The following HSD17B7 variants were observed in gnomAD, a reference collection of about 807,000 sequenced individuals.
HSD17B7 encodes 3-keto-steroid reductase/17-beta-hydroxysteroid dehydrogenase 7.
Under a neutral mutation model 34.1 loss-of-function variants are expected in HSD17B7, and 17 were observed. That is an observed-to-expected ratio of 0.50 (90% confidence interval 0.34 to 0.75). The LOEUF (loss-of-function observed/expected upper bound fraction) is 0.75, where lower values mean the gene tolerates loss of function less well. Among genes scored for constraint, HSD17B7 ranks in the 30% least tolerant of loss-of-function variants. The pLI, the probability that HSD17B7 is intolerant of heterozygous loss-of-function variation, is 0.01. For missense variants in HSD17B7, 296 were observed against 406.6 expected, an observed-to-expected ratio of 0.73 and a Z score of 2.34; for synonymous variants, 122 against 154.6, an observed-to-expected ratio of 0.79 and a Z score of 1.56.
At chr1:162,793,325 G>A (rs1487016289) in intron 2 of HSD17B7, among the ~76,000 whole-genome samples, 3 of 152,056 alleles carry the variant, frequency 2.0e-5, no homozygotes, top group South Asian at 2.1e-4. Context: ...GAGCCATTGC[G>A]CCTGGCCAGT....
chr1:162,803,950 A>T (rs1302422822), intron 6 of HSD17B7, among the ~76,000 whole-genome samples: 1 of 152,204 alleles, frequency 6.6e-6, no homozygotes, highest in Non-Finnish European at 1.5e-5. Flanking sequence ...GTCTTGCAGG[A>T]CCATTGTTTC....
Position 162,799,971 on chromosome 1 carries a change from A to G in HSD17B7, c.642+34A>G, listed in dbSNP as rs569749668. 3.8e-6 allele frequency: 6 copies of G among 1,586,844 alleles called. No homozygotes were observed. In the South Asian group the frequency reaches 5.6e-5, roughly 15 times the overall value. On this transcript the variant is annotated intron_variant, in intron 5 of 8. Transcript: ENST00000254521. The stretch of plus-strand genomic sequence containing the variant: ...TGTCTCAGTGATACGGAAATGGCAG[A>G]GGAGGGTTCTCTTAATTACCTGCTG...
At chr1:162,803,755 A>C (rs1648895122) in intron 6 of HSD17B7, among the ~76,000 whole-genome samples, 1 of 152,254 alleles carries the variant, frequency 6.6e-6, no homozygotes, top group Non-Finnish European at 1.5e-5. Flanking sequence ...GGAGTGTTTC[A>C]TTGCTCATGC....
At chr1:162,798,013 C>T in intron 4 of HSD17B7, 97 bp downstream of exon 4, 1 of 1,424,142 alleles carries the variant, frequency 7.0e-7, no homozygotes, top group Non-Finnish European at 9.3e-7. Context: ...AGCCAGTTAA[C>T]TGATTTAATC....
chr1:162,793,022 G>GTTT (rs748806214), intron 2 of HSD17B7, 160 bp downstream of exon 2: 1 of 425,120 alleles, frequency 2.4e-6, no homozygotes, highest in Admixed American at 5.0e-5. Context: ...TCAGTACCAC[G>GTTT]TTTTCTTTCT....
intron 2 of HSD17B7, among the ~76,000 whole-genome samples, chr1:162,793,308 C>T (rs1038057146): frequency 6.6e-6 from 1 of 152,234 alleles, no homozygotes; most frequent in Non-Finnish European, 1.5e-5. Context: ...GCTGGGATTA[C>T]AGGCGTGAGC....
intron 1 of HSD17B7, among the ~76,000 whole-genome samples, chr1:162,791,706 G>C (rs1229113228): frequency 6.7e-6 from 1 of 150,350 alleles, no homozygotes; most frequent in Admixed American, 6.6e-5. Context: ...GGAAGGTACT[G>C]AGTAAGTCAG....
At chr1:162,807,782 G>T (rs573389157) in intron 8 of HSD17B7, among the ~76,000 whole-genome samples, 2 of 152,282 alleles carry the variant, frequency 1.3e-5, no homozygotes, top group East Asian at 3.9e-4. Context: ...CTTTTGAGAA[G>T]TGTCTGTTCA....
rs1571013960 is a variant in HSD17B7, at chr1:162,812,353, A to G, written c.959A>G (p.Glu320Gly). ...EKFYQKLLEL[E>G]KHIRVTIQKT... The stretch of plus-strand genomic sequence containing the variant: ...TTTTATCAAAAGTTACTGGAACTGG[A>G]AAAGCACATTAGGGTCACTATTCAA... Residue 320 changes from glutamate (E) to glycine (G), a missense_variant, in exon 9 of 9, where the codon GAA becomes GGA. Transcript: ENST00000254521. 3 of 1,612,144 alleles carry G rather than the reference A, an allele frequency of 1.9e-6. No individual in the cohort carries two copies. Among genetic ancestry groups the G allele is most frequent in the Non-Finnish European group, 1.7e-6 (2 of 1,179,056 alleles).
At chr1:162,803,981 G>A (rs1648900918) in intron 6 of HSD17B7, among the ~76,000 whole-genome samples, 2 of 152,220 alleles carry the variant, frequency 1.3e-5, no homozygotes, top group African/African-American at 4.8e-5. Context: ...CTTGAAAAAT[G>A]CTACTTTTAG....
In HSD17B7 at chr1:162,804,256, C is replaced by A. The variant is rs1455288208; in HGVS notation, c.748-11C>A. On this transcript the variant is annotated splice_polypyrimidine_tract_variant and intron_variant, in intron 6 of 8. Coordinates refer to ENST00000254521, the MANE Select transcript of HSD17B7 (RefSeq NM_016371.4). ...ACCACCAAAAAATAACAGTTGTTTT[C>A]TTTTCCGCAGCTTCGCTTTTTTGCA... 6 of 1,603,216 alleles carry A rather than the reference C, an allele frequency of 3.7e-6. No homozygotes were observed. The highest frequency in any genetic ancestry group is 1.7e-5 in the Admixed American group (1 of 59,096).
chr1:162,801,707 T>C (rs1271802827), intron 5 of HSD17B7, among the ~76,000 whole-genome samples: 1 of 152,164 alleles, frequency 6.6e-6, no homozygotes, highest in Non-Finnish European at 1.5e-5. Context: ...TACATGTTCT[T>C]GTATTGGCTG....
At chr1:162,803,804 G>C (rs1040202148) in intron 6 of HSD17B7, among the ~76,000 whole-genome samples, 15 of 152,154 alleles carry the variant, frequency 9.9e-5, no homozygotes, top group African/African-American at 3.4e-4. Context: ...TATAATTTTA[G>C]AAAACCCATG....
At chr1:162,802,275 G>A (rs1282643615) in intron 5 of HSD17B7, among the ~76,000 whole-genome samples, 5 of 152,098 alleles carry the variant, frequency 3.3e-5, no homozygotes, top group Admixed American at 6.5e-5. Context: ...TGTTGGAAAC[G>A]CTGGATTTTA....
intron 1 of HSD17B7, among the ~76,000 whole-genome samples, chr1:162,791,372 T>TG (rs1254134882): frequency 7.4e-6 from 1 of 135,652 alleles, no homozygotes; most frequent in East Asian, 2.3e-4. Flanking sequence ...AAGGCATGGT[T>TG]GGGGTGCAGA....
chr1:162,805,120 CAT>C lies in HSD17B7; in HGVS notation c.805-272_805-271del, dbSNP rs1320352011. ...CTTAATTGAGATTAGCTAAGGAAAA[CAT>C]AAATGGAATTGGCTTTGATGCTCTT... On this transcript the variant is annotated intron_variant, in intron 7 of 8. Coordinates refer to ENST00000254521, the MANE Select transcript of HSD17B7 (RefSeq NM_016371.4). Among the ~76,000 whole-genome samples, 11 of 152,282 alleles carry C rather than the reference CAT, an allele frequency of 7.2e-5. No homozygotes were observed. In the South Asian group the frequency reaches 1.9e-3, roughly 26 times the overall value.
At chr1:162,811,935 A>T (rs1214875200) in intron 8 of HSD17B7, among the ~76,000 whole-genome samples, 2 of 152,212 alleles carry the variant, frequency 1.3e-5, no homozygotes, top group African/African-American at 4.8e-5. Flanking sequence ...AGCCAGATTG[A>T]TATTAGGAAG....
chr1:162,794,928 G>A (rs1335059027), intron 2 of HSD17B7, among the ~76,000 whole-genome samples: 3 of 152,234 alleles, frequency 2.0e-5, no homozygotes, highest in Non-Finnish European at 4.4e-5. Context: ...ATTCAAGGCA[G>A]TGAGGCTGTG....
chr1:162,810,516 T>G (rs1246498319), intron 8 of HSD17B7, among the ~76,000 whole-genome samples: 1 of 152,196 alleles, frequency 6.6e-6, no homozygotes, highest in Non-Finnish European at 1.5e-5. Context: ...GTTAACTTTC[T>G]GTCTTGTTGA....
Sources: allele counts gnomAD v4.1 joint callset (sites outside exome capture counted in the v4.1 genomes callset), GRCh38; gene constraint gnomAD v4.1.1; transcripts MANE v1.5; gene names NCBI Gene and HGNC (gene_info 2026-07-23, HGNC 2026-07-21).